Variants in ERG observed in about 807,000 individuals in gnomAD.
ERG encodes the protein transcriptional regulator ERG.
Under a neutral mutation model 55.3 loss-of-function variants are expected in ERG, and 9 were observed. That is an observed-to-expected ratio of 0.16 (90% CI 0.10 to 0.28). The LOEUF is 0.28. ERG is among the 10% of genes least tolerant of loss of function. ERG has a pLI of 1.00. For missense variants in ERG, 434 were observed against 631.6 expected (o/e 0.69, Z 3.35); for synonymous variants, 223 against 237.3 (o/e 0.94, Z 0.55).
chr21:38,649,725 G>A (rs532064236), intron 1 of ERG, among the ~76,000 whole-genome samples: 67 of 152,290 alleles, frequency 4.4e-4, no homozygotes, highest in Non-Finnish European at 7.6e-4. Context: ...TACCCCTAAA[G>A]GGCTCACACC....
intron 1 of ERG, among the ~76,000 whole-genome samples, chr21:38,611,437 C>T (rs1489255646): frequency 1.3e-5 from 2 of 151,988 alleles, no homozygotes; most frequent in Non-Finnish European, 2.9e-5. Flanking sequence ...GACCTCATCT[C>T]CACTCCTCCC....
intron 1 of ERG, among the ~76,000 whole-genome samples, chr21:38,623,611 G>A (rs1335005776): frequency 1.3e-5 from 2 of 152,184 alleles, no homozygotes; most frequent in Non-Finnish European, 2.9e-5. Context: ...GCTCATGTGT[G>A]TGTTAGTTTG....
intron 2 of ERG, among the ~76,000 whole-genome samples, chr21:38,503,918 G>A (rs752966548): frequency 6.6e-6 from 1 of 152,090 alleles, no homozygotes; most frequent in Non-Finnish European, 1.5e-5. Flanking sequence ...CCCAGTCAGC[G>A]CTGTTTAAGG....
chr21:38,393,700 A>C (rs1444336229), intron 6 of ERG, among the ~76,000 whole-genome samples: 3 of 152,234 alleles, frequency 2.0e-5, no homozygotes, highest in Non-Finnish European at 4.4e-5. Context: ...TATCCCAAAG[A>C]GAATAGAAAT....
intron 2 of ERG, among the ~76,000 whole-genome samples, chr21:38,512,189 T>A (rs555916493): frequency 1.3e-5 from 2 of 152,318 alleles, no homozygotes; most frequent in South Asian, 4.1e-4. Context: ...CACAGGAGTT[T>A]ACTATCCATA....
the ERG span, among the ~76,000 whole-genome samples, chr21:38,374,850 GGTTTT>G: frequency 6.6e-6 from 1 of 152,024 alleles, no homozygotes; most frequent in Non-Finnish European, 1.5e-5. Flanking sequence ...AGACTGCTTG[GGTTTT>G]GTTTTGTTTT....
At chr21:38,444,462 A>G (rs931744306) in intron 2 of ERG, among the ~76,000 whole-genome samples, 1 of 152,236 alleles carries the variant, frequency 6.6e-6, no homozygotes, top group Admixed American at 6.5e-5. Context: ...CTGATGGTAG[A>G]TTATGCAACA....
rs767537315 is a variant in ERG at position 38,391,085 on chromosome 21, A to C, written c.872-43T>G. On this transcript the variant is annotated intron_variant, in intron 8 of 9. Transcript: ENST00000288319. Reference sequence around the variant, plus strand: ...AAAGTCAAATCCTAGACATAGTTGTAACATAGTATGATGTGACTTCAGACA... The same window carrying C: ...AAAGTCAAATCCTAGACATAGTTGTCACATAGTATGATGTGACTTCAGACA... 2.0e-6 allele frequency: 3 copies of C among 1,518,478 alleles called. No homozygotes were observed. In the South Asian group the frequency reaches 3.4e-5, roughly 17 times the overall value. 94.1% of individuals were successfully genotyped at this position (1,518,478 alleles called of 1,614,324 possible).
intron 1 of ERG, among the ~76,000 whole-genome samples, chr21:38,479,287 T>A (rs1342519802): frequency 6.6e-6 from 1 of 152,134 alleles, no homozygotes; most frequent in Non-Finnish European, 1.5e-5. Context: ...GAGATATCAG[T>A]GAATGGAGCC....
chr21:38,373,013 T>C, the ERG span, among the ~76,000 whole-genome samples: 1 of 152,176 alleles, frequency 6.6e-6, no homozygotes, highest in Non-Finnish European at 1.5e-5. Flanking sequence ...CCATAGATCC[T>C]GGAAGCAAAA....
intron 1 of ERG, among the ~76,000 whole-genome samples, chr21:38,605,967 GTAGA>G (rs924702222): frequency 3.9e-5 from 6 of 152,142 alleles, no homozygotes; most frequent in Admixed American, 1.3e-4. Flanking sequence ...AAGTAGGTAG[GTAGA>G]TAGGTAGGTA....
At chr21:38,647,318 T>C (rs1001682839) in intron 1 of ERG, among the ~76,000 whole-genome samples, 1 of 152,216 alleles carries the variant, frequency 6.6e-6, no homozygotes, top group East Asian at 1.9e-4. Flanking sequence ...TCTTTTTTCC[T>C]AAACAGAATA....
At chr21:38,575,120 T>C (rs2059986848) in intron 2 of ERG, among the ~76,000 whole-genome samples, 1 of 152,030 alleles carries the variant, frequency 6.6e-6, no homozygotes, top group Non-Finnish European at 1.5e-5. Flanking sequence ...AGGGCAGGTG[T>C]GAGGTGATGG....
At chr21:38,563,938 G>A (rs1012432795) in intron 2 of ERG, among the ~76,000 whole-genome samples, 1 of 152,188 alleles carries the variant, frequency 6.6e-6, no homozygotes, top group East Asian at 1.9e-4. Flanking sequence ...GTAAGGTATC[G>A]GGAGAGAGTG....
At chr21:38,648,314 C>T (rs1035962507) in intron 1 of ERG, among the ~76,000 whole-genome samples, 2 of 152,140 alleles carry the variant, frequency 1.3e-5, no homozygotes, top group African/African-American at 4.8e-5. Flanking sequence ...AATGGGGCCG[C>T]GATGCTACCG....
chr21:38,587,204 T>C (rs1300653853), upstream of ERG, among the ~76,000 whole-genome samples: 1 of 152,218 alleles, frequency 6.6e-6, no homozygotes, highest in African/African-American at 2.4e-5. Flanking sequence ...ATCCTAAACA[T>C]GCTTTTAAAG....
intron 5 of ERG, among the ~76,000 whole-genome samples, chr21:38,401,751 A>T (rs1158446073): frequency 1.3e-5 from 2 of 151,952 alleles, no homozygotes; most frequent in East Asian, 3.9e-4. Flanking sequence ...TGCTTCCGGA[A>T]CTCTCTCCAT....
chr21:38,462,188 G>C (rs1748091840), intron 1 of ERG, among the ~76,000 whole-genome samples: 1 of 152,080 alleles, frequency 6.6e-6, no homozygotes, highest in African/African-American at 2.4e-5. Flanking sequence ...TCATGATATT[G>C]GCTAGGCTGG....
chr21:38,447,493 G>A (rs933844199), intron 1 of ERG, among the ~76,000 whole-genome samples: 1 of 148,696 alleles, frequency 6.7e-6, no homozygotes, highest in Non-Finnish European at 1.5e-5. Flanking sequence ...AAAATGATAC[G>A]AGGCAGTGAC....
Sources: gnomAD v4.1 joint callset for allele counts (sites outside exome capture counted in the v4.1 genomes callset) on GRCh38, gnomAD v4.1.1 for gene constraint, MANE v1.5 for transcripts, NCBI Gene and HGNC (gene_info 2026-07-23, HGNC 2026-07-21) for gene names.